Variants in MED16 observed in about 807,000 individuals in gnomAD.
MED16 encodes mediator complex subunit 16, also known as mediator of RNA polymerase II transcription subunit 16.
Under a neutral mutation model 84.4 loss-of-function variants are expected in MED16, and 81 were observed. The observed-to-expected ratio is 0.96, with a 90% CI of 0.80 to 1.15. The LOEUF is 1.15. MED16 is among the 50% of genes most tolerant of loss of function. MED16 has a pLI of 0.00. For missense variants in MED16, 1,585 were observed against 1,245.9 expected (o/e 1.27, Z -4.10); for synonymous variants, 897 against 552.2 (o/e 1.62, Z -8.76).
rs548001227 is a variant in MED16, at chr19:885,173, G to C, written c.880-165C>G. 4.6e-5 allele frequency among the ~76,000 whole-genome samples: 7 copies of C among 152,288 alleles called. No individual in the cohort carries two copies. The East Asian group carries it at 1.4e-3, about 29-fold the overall frequency. On this transcript the variant is annotated intron_variant, in intron 5 of 15. Transcript: ENST00000325464. ...GGATTCCAGCCCAGGCCTGTCCCCA[G>C]AGCCCAACATCCACTCACAGGAACG...
chr19:874,441 GCA>G (rs1385017479), intron 10 of MED16, among the ~76,000 whole-genome samples: 1 of 152,190 alleles, frequency 6.6e-6, no homozygotes, highest in Non-Finnish European at 1.5e-5. Context: ...AGCCTGCCAG[GCA>G]CAGTGGCTCA....
intron 11 of MED16, 61 bp downstream of exon 11, chr19:873,388 G>C: frequency 1.3e-6 from 2 of 1,552,730 alleles, no homozygotes; most frequent in South Asian, 2.3e-5. Context: ...CAGGGAAGCG[G>C]GGTCCTGATG....
chr19:868,337 AGG>A, intron 15 of MED16, 77 bp downstream of exon 15: 6 of 1,592,390 alleles, frequency 3.8e-6, no homozygotes, highest in Non-Finnish European at 5.1e-6. Flanking sequence ...GGGGCAGCTG[AGG>A]GGTAGCTGAG....
Position 877,225 on chromosome 19 carries a change from C to G in MED16, c.1354-45G>C, listed in dbSNP as rs575501816. 3.2e-6 allele frequency: 5 copies of G among 1,552,250 alleles called. No individual in the cohort carries two copies. The South Asian group carries it at 5.8e-5, about 18-fold the overall frequency. ...AGGAGAGCCCGGTGAGATGGGGCTG[C>G]GCCCTCAGCCGGGAGAGGAATGGGG... On this transcript the variant is annotated intron_variant, in intron 8 of 15. Coordinates refer to ENST00000325464, the MANE Select transcript of MED16 (RefSeq NM_005481.3).
rs915614311 is a variant in MED16, at chr19:871,455, C to T, written c.2099-202G>A. 71 of 1,411,110 alleles carry T rather than the reference C, an allele frequency of 5.0e-5. No homozygotes were observed. In the African/African-American group the frequency reaches 6.4e-4, roughly 13 times the overall value. 87.4% of individuals were successfully genotyped at this position (1,411,110 alleles called of 1,614,324 possible). ...TGGCTGGGTGACCCCAGAGTTCTCT[C>T]CCCGTCTCTGGCCTGTCATGAGACT... On this transcript the variant is annotated intron_variant, in intron 12 of 15. Transcript: ENST00000325464.
In MED16 at chr19:881,614, C is replaced by G. The variant is rs757826255; in HGVS notation, c.1086G>C (p.Ser362=). 6.2e-7 allele frequency: 1 copy of G among 1,612,680 alleles called. No individual in the cohort carries two copies. Among genetic ancestry groups the G allele is most frequent in the South Asian group, 1.1e-5 (1 of 91,086 alleles). Residue 362 remains serine (S), a synonymous_variant, in exon 7 of 16, where the codon TCG becomes TCC. Transcript: ENST00000325464. ...CCACCTTGAGGTCGGTGTTGGTGAG[C>G]GAGATGGGCAGCTTGGGCAGCGCCA... ...SAVALPKLPI[S]LTNTDLKVAS... is the part of the protein sequence containing the mutation.
chr19:878,675 C>G (rs1445292539), intron 8 of MED16, among the ~76,000 whole-genome samples: 1 of 142,102 alleles, frequency 7.0e-6, no homozygotes, highest in Non-Finnish European at 1.5e-5. Context: ...TTGTCAATGC[C>G]CAACAGCCCC....
rs926068473 is a variant in MED16 at position 887,528 on chromosome 19, C to T, written c.448-1327G>A. Among the ~76,000 whole-genome samples, 8 of 151,678 alleles carry T rather than the reference C, an allele frequency of 5.3e-5. No individual in the cohort carries two copies. The South Asian group carries it at 6.2e-4, about 12-fold the overall frequency. ...TAAAAATACAAAAATTAGCCGGGCGCGGTGGTGCGTGCCTGTAATTCCAGC... is the reference window on the plus strand; with the variant it reads ...TAAAAATACAAAAATTAGCCGGGCGTGGTGGTGCGTGCCTGTAATTCCAGC... On this transcript the variant is annotated intron_variant, in intron 4 of 15. Transcript: ENST00000325464.
intron 4 of MED16, 45 bp from the exon 5 acceptor site, chr19:886,246 G>T: frequency 6.9e-7 from 1 of 1,458,068 alleles, no homozygotes; most frequent in Non-Finnish European, 9.0e-7. Flanking sequence ...CAGGCTCATG[G>T]GGGCTGCCCC....
chr19:882,161 G>A (rs565588976), intron 6 of MED16, among the ~76,000 whole-genome samples: 3 of 152,352 alleles, frequency 2.0e-5, no homozygotes, highest in East Asian at 1.9e-4. Context: ...GCGTGAAGAC[G>A]CAGCTCCTCC....
At chr19:883,004 A>T (rs1170262035) in intron 6 of MED16, among the ~76,000 whole-genome samples, 2 of 152,186 alleles carry the variant, frequency 1.3e-5, no homozygotes. Flanking sequence ...CATAGGAAAG[A>T]CAGGAAACTC....
chr19:874,619 G>A (rs569612290), intron 10 of MED16, among the ~76,000 whole-genome samples: 1 of 152,330 alleles, frequency 6.6e-6, no homozygotes, highest in Admixed American at 6.5e-5. Flanking sequence ...CGGCCTGGGA[G>A]CGTCTCAGCC....
chr19:880,244 C>A, intron 7 of MED16, 96 bp from the exon 8 acceptor site: 1 of 1,223,948 alleles, frequency 8.2e-7, no homozygotes, highest in Non-Finnish European at 1.1e-6. Flanking sequence ...AGAGCCGGGG[C>A]TGCCCATCCA....
intron 6 of MED16, among the ~76,000 whole-genome samples, chr19:884,283 G>A (rs889266055): frequency 7.2e-5 from 11 of 152,214 alleles, no homozygotes; most frequent in East Asian, 5.8e-4. Context: ...CATAGCAGGC[G>A]GGCGTCCCTG....
chr19:883,727 C>CG lies in MED16; in HGVS notation c.985+1175dup, dbSNP rs2036468155. Among the ~76,000 whole-genome samples, 3 of 152,166 alleles carry CG rather than the reference C, an allele frequency of 2.0e-5. No homozygotes were observed. In the South Asian group the frequency reaches 6.2e-4, roughly 32 times the overall value. ...AGATGGTAGACACAGACGTGCCCAG[C>CG]GGGGGCACCGGGCAGTGAAGGTGCA... On this transcript the variant is annotated intron_variant, in intron 6 of 15. Coordinates refer to ENST00000325464, the MANE Select transcript of MED16 (RefSeq NM_005481.3).
chr19:873,265 CGGGGCTGAGGT>C (rs1374806757), intron 11 of MED16, among the ~76,000 whole-genome samples, 173 bp downstream of exon 11: 8 of 38,664 alleles, frequency 2.1e-4, no homozygotes, highest in Non-Finnish European at 3.7e-4. Context: ...CAACCAGGGG[CGGGGCTGAGGT>C]GGGACTCCAA....
At chr19:872,149 G>A (rs760944826) in intron 11 of MED16, 31 bp from the exon 12 acceptor site, 3 of 1,560,526 alleles carry the variant, frequency 1.9e-6, no homozygotes, top group African/African-American at 1.4e-5. Flanking sequence ...TGTGGCTGGG[G>A]CGGCGGGGGG....
intron 3 of MED16, 45 bp from the exon 4 acceptor site, chr19:889,852 G>A (rs2036598431): frequency 1.9e-6 from 3 of 1,569,296 alleles, no homozygotes; most frequent in Middle Eastern, 2.0e-4. Flanking sequence ...GGGATGGGCA[G>A]AGCACTGCGT....
intron 2 of MED16, 153 bp from the exon 3 acceptor site, chr19:890,397 C>T: frequency 1.8e-6 from 1 of 570,712 alleles, no homozygotes; most frequent in Non-Finnish European, 3.1e-6. Flanking sequence ...AGGGAACAGG[C>T]TGTCCCCCCG....
Sources: allele counts gnomAD v4.1 joint callset (sites outside exome capture counted in the v4.1 genomes callset), GRCh38; gene constraint gnomAD v4.1.1; transcripts MANE v1.5; gene names NCBI Gene and HGNC (gene_info 2026-07-23, HGNC 2026-07-21).